The following ACTN4 variants were observed in gnomAD, a reference collection of about 807,000 sequenced individuals.
The protein encoded by ACTN4 is alpha-actinin-4.
In ACTN4, 18 loss-of-function variants were observed where a neutral mutation model predicts 114.2. The observed-to-expected ratio is 0.16, with a 90% CI of 0.11 to 0.23. The LOEUF is 0.23. Among genes scored for constraint, ACTN4 ranks in the 10% least tolerant of loss-of-function variants. The pLI, the probability that ACTN4 is intolerant of heterozygous loss-of-function variation, is 1.00. For missense variants in ACTN4, 722 were observed against 1,262.9 expected (o/e 0.57, Z 6.49); for synonymous variants, 515 against 506.3 (o/e 1.02, Z -0.23).
At chr19:38,684,309 G>T (rs1327949090) in intron 1 of ACTN4, among the ~76,000 whole-genome samples, 2 of 152,136 alleles carry the variant, frequency 1.3e-5, no homozygotes, top group Non-Finnish European at 2.9e-5. Flanking sequence ...CTTTCATGGG[G>T]CAGGTTGACA....
chr19:38,684,319 A>T lies in ACTN4; in HGVS notation c.163-16281A>T, dbSNP rs377175889. On this transcript the variant is annotated intron_variant, in intron 1 of 20. Coordinates refer to ENST00000252699, the MANE Select transcript of ACTN4 (RefSeq NM_004924.6). ...AGTGGCTTTCATGGGGCAGGTTGACATGGTACCCAGAGTCCTCCTCGGTCC... is the reference window on the plus strand; with the variant it reads ...AGTGGCTTTCATGGGGCAGGTTGACTTGGTACCCAGAGTCCTCCTCGGTCC... Among the ~76,000 whole-genome samples, 6 of 152,276 alleles carry T rather than the reference A, an allele frequency of 3.9e-5. No individual in the cohort carries two copies. The South Asian group carries it at 6.2e-4, about 16-fold the overall frequency.
chr19:38,721,817 C>T (rs1969055792), intron 12 of ACTN4, 129 bp downstream of exon 12: 3 of 1,368,322 alleles, frequency 2.2e-6, no homozygotes, highest in South Asian at 1.2e-5. Context: ...CCCAACTGCA[C>T]CTCCTTCCAG....
intron 8 of ACTN4, among the ~76,000 whole-genome samples, chr19:38,712,802 G>A (rs1968702784): frequency 6.6e-6 from 1 of 152,146 alleles, no homozygotes; most frequent in African/African-American, 2.4e-5. Context: ...TCACCAGATT[G>A]CTTTTCTTTC....
In ACTN4 at chr19:38,669,779, G is replaced by A. The variant is rs73552675; in HGVS notation, c.162+21872G>A. ...TGCCGGAGCTGACACCCTCATGGTTGCAGCCCTGGGATTTTGTTATTTGGG... is the reference window on the plus strand; with the variant it reads ...TGCCGGAGCTGACACCCTCATGGTTACAGCCCTGGGATTTTGTTATTTGGG... On this transcript the variant is annotated intron_variant, in intron 1 of 20. Transcript: ENST00000252699. Among the ~76,000 whole-genome samples, 1,328 of 152,218 alleles carry A rather than the reference G, an allele frequency of 8.7e-3. 17 individuals carry two copies. Among genetic ancestry groups the A allele is most frequent in the African/African-American group, 0.031 (1,280 of 41,516 alleles).
chr19:38,728,047 G>A (rs774474347), intron 19 of ACTN4, 21 bp downstream of exon 19: 8 of 1,595,676 alleles, frequency 5.0e-6, no homozygotes, highest in Admixed American at 1.7e-5. Context: ...CTGGGCCCCA[G>A]CGGACCATGG....
Position 38,729,422 on chromosome 19 carries a change from G to A in ACTN4, c.2726G>A (p.Ser909Asn), listed in dbSNP as rs1171830471. The change falls in exon 21 of 21, where the codon AGC becomes AAC. Residue 909 changes from serine to asparagine, a missense_variant. Ser to Asn is a conservative substitution (Grantham distance 46). Around this residue, in one of 3 missense-constraint regions of ACTN4, gnomAD observed 523 missense variants for 875.9 expected, o/e 0.60. Coordinates refer to ENST00000252699, the MANE Select transcript of ACTN4 (RefSeq NM_004924.6). Reference sequence around the variant, plus strand: ...TTCTCCACGGCCTTGTATGGCGAGAGCGACCTGTGAGGCCCCAGAGACCTG... The same window carrying A: ...TTCTCCACGGCCTTGTATGGCGAGAACGACCTGTGAGGCCCCAGAGACCTG... ...KSFSTALYGE[S>N]DL 1 of 1,612,832 alleles carries A rather than the reference G, an allele frequency of 6.2e-7. No individual in the cohort carries two copies. The highest frequency in any genetic ancestry group is 1.1e-5 in the South Asian group (1 of 91,082).
At chr19:38,691,700 C>T (rs3786838) in intron 1 of ACTN4, among the ~76,000 whole-genome samples, 2,976 of 152,092 alleles carry the variant, frequency 0.02, 133 homozygotes, top group South Asian at 0.15. Context: ...ATCAGGAGTT[C>T]GAGACCAGCC....
intron 1 of ACTN4, among the ~76,000 whole-genome samples, chr19:38,659,364 A>G (rs1175658308): frequency 6.6e-6 from 1 of 151,940 alleles, no homozygotes; most frequent in East Asian, 1.9e-4. Context: ...GCCCCTTTGT[A>G]ACTTTCATTA....
At chr19:38,697,174 A>G (rs980518239) in intron 1 of ACTN4, among the ~76,000 whole-genome samples, 4 of 152,200 alleles carry the variant, frequency 2.6e-5, no homozygotes, top group African/African-American at 9.6e-5. Context: ...GAGGGCGGGT[A>G]GGGCAGCAGC....
At chr19:38,697,177 G>A (rs1187271945) in intron 1 of ACTN4, among the ~76,000 whole-genome samples, 1 of 152,202 alleles carries the variant, frequency 6.6e-6, no homozygotes, top group Non-Finnish European at 1.5e-5. Flanking sequence ...GGCGGGTAGG[G>A]CAGCAGCCCC....
intron 1 of ACTN4, among the ~76,000 whole-genome samples, chr19:38,672,026 A>C (rs937472177): frequency 6.6e-6 from 1 of 151,884 alleles, no homozygotes; most frequent in African/African-American, 2.4e-5. Flanking sequence ...CTTTCCACCC[A>C]GAAAAAGAGC....
intron 1 of ACTN4, among the ~76,000 whole-genome samples, chr19:38,698,331 A>G (rs1448979427): frequency 1.3e-5 from 2 of 152,152 alleles, no homozygotes; most frequent in Non-Finnish European, 2.9e-5. Context: ...ACGTGCCCAC[A>G]TGAGTGGTGT....
intron 1 of ACTN4, among the ~76,000 whole-genome samples, chr19:38,657,420 G>A (rs1976744393): frequency 6.6e-6 from 1 of 152,206 alleles, no homozygotes; most frequent in Non-Finnish European, 1.5e-5. Context: ...TGGGGTTACA[G>A]GCATGAGCCA....
rs1006327700 is a variant in ACTN4 at position 38,724,639 on chromosome 19, G to T, written c.2010+74G>T. 8.7e-6 allele frequency: 14 copies of T among 1,605,324 alleles called. No individual in the cohort carries two copies. The highest frequency in any genetic ancestry group is 1.2e-5 in the Non-Finnish European group (14 of 1,178,858). ...CCCGTAGTGAGGGGGTCCCCGGCCA[G>T]CCCAGGGCCTGCAGACTGAGGCGCC... On this transcript the variant is annotated intron_variant, in intron 16 of 20. Transcript: ENST00000252699. This position sits in a 1 kb window ranked among gnomAD's most constrained non-coding sequence, Gnocchi z 7.0.
At chr19:38,711,378 A>G (rs1968647054) in intron 8 of ACTN4, 16 of 1,010,780 alleles carry the variant, frequency 1.6e-5, no homozygotes, top group Non-Finnish European at 1.9e-5. Flanking sequence ...TGGGCCAGGC[A>G]CACCTCGCTG....
chr19:38,710,302 A>G lies in ACTN4; in HGVS notation c.779A>G (p.Tyr260Cys). The change falls in exon 8 of 21, where the codon TAT becomes TGT. Residue 260 changes from tyrosine to cysteine, a missense_variant. Physicochemically the swap from Tyr to Cys is radical, Grantham distance 194. Coordinates refer to ENST00000252699, the MANE Select transcript of ACTN4 (RefSeq NM_004924.6). ...CCCGACGAGAAGGCCATAATGACCT[A>G]TGTGTCCAGCTTCTACCATGCCTTT... ...ARPDEKAIMT[Y>C]VSSFYHAFSG... The G allele has an allele frequency of 6.2e-7, 1 of 1,614,038 alleles. No individual in the cohort carries two copies. Among genetic ancestry groups the G allele is most frequent in the Non-Finnish European group, 8.5e-7 (1 of 1,179,988 alleles).
intron 20 of ACTN4, 53 bp from the exon 21 acceptor site, chr19:38,729,221 G>C (rs1029990433): frequency 1.2e-6 from 2 of 1,612,618 alleles, no homozygotes; most frequent in African/African-American, 2.7e-5. Flanking sequence ...GAGGGGCTGA[G>C]GGGGCCAGTG....
At chr19:38,650,740 G>A (rs1233072459) in intron 1 of ACTN4, among the ~76,000 whole-genome samples, 1 of 151,810 alleles carries the variant, frequency 6.6e-6, no homozygotes, top group African/African-American at 2.4e-5. Context: ...TGGCTGGGTT[G>A]TTTGTTTGTT....
intron 1 of ACTN4, among the ~76,000 whole-genome samples, chr19:38,651,596 G>C (rs771392032): frequency 1.3e-5 from 2 of 152,022 alleles, no homozygotes; most frequent in Non-Finnish European, 2.9e-5. Flanking sequence ...ACTATTTCAG[G>C]GGCCTCAATG....
Sources: gnomAD v4.1 joint callset for allele counts (sites outside exome capture counted in the v4.1 genomes callset) on GRCh38, gnomAD v4.1.1 for gene constraint, gnomAD v4.1.1 regional missense constraint, Gnocchi (gnomAD v3.1) non-coding constraint, MANE v1.5 for transcripts, NCBI Gene and HGNC (gene_info 2026-07-23, HGNC 2026-07-21) for gene names.